ROBO2: variants seen among roughly 807,000 people sequenced by gnomAD.
The protein encoded by ROBO2 is roundabout homolog 2.
A neutral mutation model predicts 160.8 loss-of-function variants in ROBO2; 53 were observed. The observed-to-expected ratio is 0.33, with a 90% CI of 0.26 to 0.41. ROBO2 has a LOEUF of 0.41. Ranked by LOEUF, ROBO2 falls within the 10% of genes least tolerant of loss-of-function variation. The pLI is 1.00. For synonymous variants in ROBO2, 664 were observed against 611.7 expected (o/e 1.09, Z -1.26); for missense variants, 1,577 against 1,722.4 (o/e 0.92, Z 1.49).
rs750498119 is a variant in ROBO2 at position 77,617,759 on chromosome 3, A to G, written c.3540A>G (p.Ile1180Met). 6.8e-6 allele frequency: 11 copies of G among 1,612,988 alleles called. No homozygotes were observed. The highest frequency in any genetic ancestry group is 1.7e-5 in the Admixed American group (1 of 59,958). Residue 1180 changes from isoleucine (I) to methionine (M), a missense_variant, in exon 22 of 26, where the codon ATA (isoleucine) becomes ATG (methionine). Coordinates refer to ENST00000461745, the Ensembl canonical transcript of ROBO2. ...TGACAAGAGCCTATCAGTTTGATAT[A>G]GCAAAACAAACATGGTAAATATCTT... is the stretch of plus-strand genomic sequence containing the variant.
chr3:76,180,011 TCTG>T (rs1701428750), intron 2 of ROBO2, among the ~76,000 whole-genome samples: 1 of 152,150 alleles, frequency 6.6e-6, no homozygotes, highest in African/African-American at 2.4e-5. Context: ...TGCCATTGCT[TCTG>T]CTGCTCCGGC....
chr3:76,242,794 A>G (rs1203964055), intron 2 of ROBO2, among the ~76,000 whole-genome samples: 1 of 152,040 alleles, frequency 6.6e-6, no homozygotes, highest in Non-Finnish European at 1.5e-5. Flanking sequence ...CTAAGGTGGG[A>G]AGGTCGCCTG....
intron 2 of ROBO2, among the ~76,000 whole-genome samples, chr3:76,930,902 T>G (rs142243379): frequency 6.6e-6 from 1 of 152,240 alleles, no homozygotes; most frequent in Admixed American, 6.5e-5. Context: ...AGAAGCACTC[T>G]CACAGACACA....
chr3:76,066,365 T>C (rs950530378), intron 2 of ROBO2, among the ~76,000 whole-genome samples: 1 of 152,106 alleles, frequency 6.6e-6, no homozygotes, highest in Non-Finnish European at 1.5e-5. Context: ...AAATGAATAC[T>C]CAAAATTATT....
chr3:76,151,749 T>G (rs1050385672), intron 2 of ROBO2, among the ~76,000 whole-genome samples: 2 of 152,172 alleles, frequency 1.3e-5, no homozygotes, highest in East Asian at 3.9e-4. Context: ...TTTACTGAAC[T>G]CAAGAGAGGG....
intron 2 of ROBO2, among the ~76,000 whole-genome samples, chr3:76,903,469 A>G (rs1399456618): frequency 6.6e-6 from 1 of 152,010 alleles, no homozygotes; most frequent in African/African-American, 2.4e-5. Flanking sequence ...GTTTTCATTG[A>G]TGATTCAGTG....
chr3:76,658,411 C>T (rs1415731833), intron 2 of ROBO2, among the ~76,000 whole-genome samples: 3 of 151,878 alleles, frequency 2.0e-5, no homozygotes, highest in Non-Finnish European at 4.4e-5. Context: ...TAAGTATACA[C>T]GTGCCATGGT....
chr3:77,632,368 T>C, intron 23 of ROBO2: 2 of 828,262 alleles, frequency 2.4e-6, no homozygotes, highest in South Asian at 4.9e-5. Flanking sequence ...ATGATGAAAC[T>C]TCAAGGAAGA....
intron 2 of ROBO2, among the ~76,000 whole-genome samples, chr3:76,971,813 A>G (rs2059585238): frequency 6.6e-6 from 1 of 152,208 alleles, no homozygotes; most frequent in Non-Finnish European, 1.5e-5. Context: ...ACTTGATTCA[A>G]CTCAACAAAT....
At chr3:76,135,609 C>A (rs1015321738) in intron 2 of ROBO2, among the ~76,000 whole-genome samples, 4 of 152,096 alleles carry the variant, frequency 2.6e-5, no homozygotes, top group Non-Finnish European at 4.4e-5. Flanking sequence ...GAGGAATCGG[C>A]CCATGAGGAA....
chr3:77,410,699 T>TCCTCCTCCTCCTCCTCCTCCTCCTCC (rs1560758742), intron 2 of ROBO2, among the ~76,000 whole-genome samples: 2 of 41,004 alleles, frequency 4.9e-5, no homozygotes, highest in Non-Finnish European at 9.2e-5. Flanking sequence ...CCTCCTCCTC[T>TCCTCCTCCTCCTCCTCCTCCTCCTCC]TCCTCCTCCT....
intron 2 of ROBO2, among the ~76,000 whole-genome samples, chr3:76,818,067 A>T (rs928119075): frequency 1.3e-5 from 2 of 151,954 alleles, no homozygotes; most frequent in African/African-American, 4.8e-5. Flanking sequence ...TTCTTTAAGG[A>T]ATCTCCACAC....
intron 2 of ROBO2, among the ~76,000 whole-genome samples, chr3:76,415,776 G>A (rs1351422813): frequency 1.3e-5 from 2 of 152,104 alleles, no homozygotes; most frequent in African/African-American, 2.4e-5. Flanking sequence ...TTTCATTAAT[G>A]TTTGACCCAC....
At chr3:76,322,740 A>T (rs1293624133) in intron 2 of ROBO2, among the ~76,000 whole-genome samples, 1 of 152,216 alleles carries the variant, frequency 6.6e-6, no homozygotes, top group Non-Finnish European at 1.5e-5. Flanking sequence ...CTAAATGAGC[A>T]CAAAGTACAC....
chr3:77,631,895 AT>A (rs2095170644), intron 23 of ROBO2: 1 of 151,818 alleles, frequency 6.6e-6, no homozygotes, highest in South Asian at 2.1e-4. Flanking sequence ...TTTAAAATAC[AT>A]TTTTTCTTAT....
intron 2 of ROBO2, among the ~76,000 whole-genome samples, chr3:76,947,073 T>C (rs1395481193): frequency 6.6e-6 from 1 of 152,192 alleles, no homozygotes; most frequent in Admixed American, 6.5e-5. Flanking sequence ...TGAAAACATA[T>C]TCTTATCACT....
At chr3:76,184,587 AGATAGAT>A (rs201705472) in intron 2 of ROBO2, among the ~76,000 whole-genome samples, 6,751 of 144,192 alleles carry the variant, frequency 0.047, 362 homozygotes, top group East Asian at 0.29. Flanking sequence ...ATAGATAGAT[AGATAGAT>A]AAGAGGGGAT....
intron 2 of ROBO2, among the ~76,000 whole-genome samples, chr3:77,295,489 C>G: frequency 6.7e-6 from 1 of 150,050 alleles, no homozygotes; most frequent in Non-Finnish European, 1.5e-5. Flanking sequence ...TAAGCTGAGG[C>G]TAGATCACCC....
intron 2 of ROBO2, among the ~76,000 whole-genome samples, chr3:77,157,922 C>T (rs1406061250): frequency 2.6e-5 from 4 of 151,958 alleles, no homozygotes; most frequent in African/African-American, 9.7e-5. Flanking sequence ...TTGAATACGG[C>T]CCTGATTGTC....
Sources: allele counts gnomAD v4.1 joint callset (sites outside exome capture counted in the v4.1 genomes callset), GRCh38; gene constraint gnomAD v4.1.1; transcripts MANE v1.5; gene names NCBI Gene and HGNC (gene_info 2026-07-23, HGNC 2026-07-21).